The following EXOC1L variants were observed in gnomAD, a reference collection of about 807,000 sequenced individuals.
EXOC1L encodes the protein exocyst complex component 1 like.
Under a neutral mutation model 4.9 loss-of-function variants are expected in EXOC1L, and 10 were observed. The observed-to-expected ratio is 2.02, with a 90% CI of 1.25 to 3.43. The LOEUF is 3.43. Ranked by LOEUF, EXOC1L falls within the 30% of genes most tolerant of loss-of-function variation. EXOC1L has a pLI of 0.00. For synonymous variants in EXOC1L, 41 were observed against 20.8 expected, an observed-to-expected ratio of 1.97 and a Z score of -2.63; for missense variants, 114 against 59.4, an observed-to-expected ratio of 1.92 and a Z score of -3.02.
At chr4:55,830,447 C>A (rs1376773136) in intron 1 of EXOC1L, among the ~76,000 whole-genome samples, 2 of 152,154 alleles carry the variant, frequency 1.3e-5, no homozygotes, top group Non-Finnish European at 2.9e-5. Flanking sequence ...GGGACCATGT[C>A]TTTTACTTGT....
chr4:55,820,339 A>G (rs1719708212), intron 1 of EXOC1L, among the ~76,000 whole-genome samples, 192 bp downstream of exon 1: 1 of 152,236 alleles, frequency 6.6e-6, no homozygotes, highest in Non-Finnish European at 1.5e-5. Flanking sequence ...AATGAAAGAA[A>G]AAAACATTGT....
chr4:55,828,686 T>C (rs1360479438), intron 1 of EXOC1L, among the ~76,000 whole-genome samples: 1 of 151,610 alleles, frequency 6.6e-6, no homozygotes, highest in African/African-American at 2.4e-5. Flanking sequence ...ACAAAAAAGA[T>C]AAAAAAAATT....
At chr4:55,830,145 T>C (rs376308906) in intron 1 of EXOC1L, among the ~76,000 whole-genome samples, 3 of 152,312 alleles carry the variant, frequency 2.0e-5, no homozygotes, top group African/African-American at 7.2e-5. Flanking sequence ...AGAACTCCTA[T>C]TGAACATGTA....
At chr4:55,825,875 A>G (rs143033548) in intron 1 of EXOC1L, among the ~76,000 whole-genome samples, 8,170 of 152,198 alleles carry the variant, frequency 0.054, 325 homozygotes, top group Non-Finnish European at 0.083. Flanking sequence ...ACCTGAGGTC[A>G]GGAGTTTGAG....
intron 1 of EXOC1L, among the ~76,000 whole-genome samples, chr4:55,820,838 C>G (rs1462517921): frequency 6.6e-6 from 1 of 152,158 alleles, no homozygotes; most frequent in Non-Finnish European, 1.5e-5. Context: ...TTGTCCAAAG[C>G]TAGGAACAGG....
intron 2 of EXOC1L, among the ~76,000 whole-genome samples, 157 bp downstream of exon 2, chr4:55,831,621 G>T (rs961637367): frequency 3.3e-5 from 5 of 151,960 alleles, no homozygotes; most frequent in Admixed American, 6.6e-5. Context: ...TGATGTACTG[G>T]TTTTTTTATT....
chr4:55,828,418 T>G (rs1719938380), intron 1 of EXOC1L, among the ~76,000 whole-genome samples: 1 of 152,176 alleles, frequency 6.6e-6, no homozygotes, highest in Non-Finnish European at 1.5e-5. Flanking sequence ...ACCATCCTCT[T>G]GATTCCCATA....
chr4:55,820,985 T>G (rs540092138), intron 1 of EXOC1L, among the ~76,000 whole-genome samples: 32 of 152,314 alleles, frequency 2.1e-4, no homozygotes, highest in African/African-American at 5.8e-4. Context: ...TTCAGGCGTT[T>G]AGGAGAAAAG....
At position 55,834,116 on chromosome 4, in the gene EXOC1L, CAT is replaced by C. The variant is rs1434831829; in HGVS notation, c.252+2653_252+2654del. 4.6e-5 allele frequency among the ~76,000 whole-genome samples: 7 copies of C among 151,840 alleles called. No homozygotes were observed. In the East Asian group the frequency reaches 1.3e-3, roughly 29 times the overall value. On this transcript the variant is annotated intron_variant, in intron 2 of 2. Transcript: ENST00000636125. The stretch of plus-strand genomic sequence containing the variant: ...ATAAATGTAATAATTTACATTATTA[CAT>C]GTTTTACATTTACATATCAATACCA...
intron 2 of EXOC1L, among the ~76,000 whole-genome samples, chr4:55,834,552 C>A (rs2110285963): frequency 6.6e-6 from 1 of 151,966 alleles, no homozygotes; most frequent in Non-Finnish European, 1.5e-5. Context: ...TGCTCTGTTG[C>A]AATTATCTCA....
chr4:55,831,365 G>T lies in EXOC1L; in HGVS notation c.153G>T (p.Met51Ile), dbSNP rs1720026266. ...AAAAGGAAGAAGTAAAAATAGTCAT[G>T]GTGAAACACTACAGAATAGGTTTAG... ...VTKKEEVKIV[M>I]VKHYRIGLDE... The change falls in exon 2 of 3, where the codon ATG (methionine) becomes ATT (isoleucine). Residue 51 changes from methionine (M) to isoleucine (I), a missense_variant. Physicochemically the swap from Met to Ile is conservative, Grantham distance 10. Coordinates refer to ENST00000636125, the MANE Select transcript of EXOC1L (RefSeq NM_001351574.3). 2 of 673,144 alleles carry T rather than the reference G, an allele frequency of 3.0e-6. No homozygotes were observed. The highest frequency in any genetic ancestry group is 1.8e-5 in the African/African-American group (1 of 55,400). 41.7% of individuals were successfully genotyped at this position (673,144 alleles called of 1,614,324 possible).
chr4:55,833,788 A>G (rs1265363467), intron 2 of EXOC1L, among the ~76,000 whole-genome samples: 1 of 151,944 alleles, frequency 6.6e-6, no homozygotes, highest in Non-Finnish European at 1.5e-5. Flanking sequence ...ATTCCATCCC[A>G]ACATTGTTGA....
At chr4:55,833,442 G>A (rs1346917504) in intron 2 of EXOC1L, among the ~76,000 whole-genome samples, 2 of 151,734 alleles carry the variant, frequency 1.3e-5, no homozygotes, top group Non-Finnish European at 2.9e-5. Flanking sequence ...AGTTACCTCT[G>A]TGATAAGATT....
At chr4:55,835,284 T>A (rs1720132061) in intron 2 of EXOC1L, among the ~76,000 whole-genome samples, 1 of 151,788 alleles carries the variant, frequency 6.6e-6, no homozygotes, top group South Asian at 2.1e-4. Context: ...GGTTCCATAT[T>A]TTTGCAATTG....
At chr4:55,827,068 T>A (rs181098528) in intron 1 of EXOC1L, among the ~76,000 whole-genome samples, 183 of 152,294 alleles carry the variant, frequency 1.2e-3, no homozygotes, top group African/African-American at 4.3e-3. Context: ...TCACTTTAAA[T>A]CCTTCAGTGA....
intron 1 of EXOC1L, among the ~76,000 whole-genome samples, chr4:55,829,208 A>AACAAC (rs1179502682): frequency 2.0e-5 from 3 of 152,156 alleles, no homozygotes; most frequent in African/African-American, 4.8e-5. Context: ...AACAAAACAA[A>AACAAC]ACAAAACATT....
chr4:55,835,012 T>C (rs564270944), intron 2 of EXOC1L, among the ~76,000 whole-genome samples: 93 of 151,888 alleles, frequency 6.1e-4, no homozygotes, highest in African/African-American at 2.1e-3. Flanking sequence ...CCAAAGTCCA[T>C]TGTGTCATTC....
At chr4:55,828,213 C>T (rs965305240) in intron 1 of EXOC1L, among the ~76,000 whole-genome samples, 1 of 152,182 alleles carries the variant, frequency 6.6e-6, no homozygotes, top group South Asian at 2.1e-4. Context: ...GAGGCTGGCA[C>T]ACAATGTGCA....
rs1033296907 is a variant in EXOC1L at position 55,820,015 on chromosome 4, G to A, written c.-12G>A. ...TTGAGCCAAGACATCAGGCCAAGTG[G>A]AACTGGAGGAAATGTCATCATTGGT... On this transcript the variant is annotated 5_prime_UTR_variant, in exon 1 of 3. Coordinates refer to ENST00000636125, the MANE Select transcript of EXOC1L (RefSeq NM_001351574.3). 1.5e-4 allele frequency: 59 copies of A among 398,864 alleles called. No individual in the cohort carries two copies. The Middle Eastern group carries it at 3.7e-3, about 25-fold the overall frequency. 24.7% of individuals were successfully genotyped at this position (398,864 alleles called of 1,614,324 possible).
Sources: gnomAD v4.1 joint callset for allele counts (sites outside exome capture counted in the v4.1 genomes callset) on GRCh38, gnomAD v4.1.1 for gene constraint, MANE v1.5 for transcripts, NCBI Gene and HGNC (gene_info 2026-07-23, HGNC 2026-07-21) for gene names.